Variants in SAMD3 observed in about 807,000 individuals in gnomAD.
SAMD3 encodes the protein sterile alpha motif domain containing 3.
In SAMD3, 63 loss-of-function variants were observed where a neutral mutation model predicts 58.5. That is an observed-to-expected ratio of 1.08 (90% CI 0.88 to 1.33). SAMD3 has a LOEUF of 1.33. Ranked by LOEUF, SAMD3 falls within the 40% of genes most tolerant of loss-of-function variation. The pLI is 0.00. For synonymous variants in SAMD3, 220 were observed against 210.3 expected (o/e 1.05, Z -0.40); for missense variants, 604 against 608.4 (o/e 0.99, Z 0.08).
intron 2 of SAMD3, among the ~76,000 whole-genome samples, chr6:130,277,569 C>A (rs1277652716): frequency 6.6e-6 from 1 of 152,034 alleles, no homozygotes; most frequent in African/African-American, 2.4e-5. Context: ...TCTATTTTTT[C>A]TCCTGCTTGT....
chr6:130,183,123 A>G, intron 7 of SAMD3: 1 of 315,244 alleles, frequency 3.2e-6, no homozygotes, highest in South Asian at 2.7e-5. Context: ...CTTTGTGTTG[A>G]AACGTCAGCG....
chr6:130,189,103 C>CAAAAAAAAAAAAAAAACAA (rs71028200), intron 5 of SAMD3, among the ~76,000 whole-genome samples: 1 of 138,502 alleles, frequency 7.2e-6, no homozygotes, highest in African/African-American at 2.6e-5. Flanking sequence ...TTAAAAAAAC[C>CAAAAAAAAAAAAAAAACAA]AAAAAAAAAA....
At chr6:130,208,232 C>T (rs1795244034) in intron 5 of SAMD3, among the ~76,000 whole-genome samples, 1 of 152,204 alleles carries the variant, frequency 6.6e-6, no homozygotes, top group Admixed American at 6.5e-5. Flanking sequence ...TCTTTGTGTG[C>T]AAGGTGACAG....
intron 7 of SAMD3, among the ~76,000 whole-genome samples, chr6:130,182,485 C>T (rs1792452450): frequency 6.6e-6 from 1 of 150,732 alleles, no homozygotes. Context: ...GTGATTCTCT[C>T]CATATATAAT....
intron 5 of SAMD3, among the ~76,000 whole-genome samples, chr6:130,187,460 A>G (rs1013665936): frequency 2.0e-5 from 3 of 152,142 alleles, no homozygotes; most frequent in Admixed American, 6.5e-5. Context: ...AGAAGCATCA[A>G]ATTTTCATTT....
chr6:130,255,789 T>A (rs1246538071), intron 2 of SAMD3, among the ~76,000 whole-genome samples: 1 of 151,774 alleles, frequency 6.6e-6, no homozygotes, highest in African/African-American at 2.4e-5. Flanking sequence ...CCACCACACC[T>A]GACCCCAGTC....
chr6:130,348,968 C>G (rs1387536449), intron 1 of SAMD3, among the ~76,000 whole-genome samples: 1 of 152,060 alleles, frequency 6.6e-6, no homozygotes, highest in Non-Finnish European at 1.5e-5. Flanking sequence ...CAACCTGCTC[C>G]TGAATGACTA....
intron 1 of SAMD3, among the ~76,000 whole-genome samples, chr6:130,329,135 C>T (rs773389699): frequency 1.1e-4 from 17 of 151,810 alleles, no homozygotes; most frequent in East Asian, 1.9e-4. Context: ...ATTGTTAATC[C>T]GCTTCTACTT....
intron 2 of SAMD3, among the ~76,000 whole-genome samples, chr6:130,272,059 T>G (rs1774584063): frequency 6.6e-6 from 1 of 152,196 alleles, no homozygotes; most frequent in Non-Finnish European, 1.5e-5. Context: ...TTTTATTGAG[T>G]TTTATGTTTG....
chr6:130,360,135 A>G (rs1777941656), intron 1 of SAMD3, among the ~76,000 whole-genome samples: 1 of 152,234 alleles, frequency 6.6e-6, no homozygotes. Context: ...TTATATAAAC[A>G]GGTGTTTCTA....
chr6:130,162,293 A>G (rs1291291463), intron 8 of SAMD3: 1 of 701,676 alleles, frequency 1.4e-6, no homozygotes, highest in Non-Finnish European at 2.6e-6. Context: ...AGAAATAAGG[A>G]GGAGAATATT....
intron 1 of SAMD3, among the ~76,000 whole-genome samples, chr6:130,345,020 C>G (rs1777401980): frequency 6.6e-6 from 1 of 151,882 alleles, no homozygotes; most frequent in Non-Finnish European, 1.5e-5. Flanking sequence ...CTTTATGAAC[C>G]AAAACTAGGC....
At chr6:130,150,683 T>G (rs180977523) in intron 9 of SAMD3, among the ~76,000 whole-genome samples, 7 of 151,988 alleles carry the variant, frequency 4.6e-5, no homozygotes, top group Non-Finnish European at 5.9e-5. Flanking sequence ...TGAGGTGTTC[T>G]GCAGGGTCTC....
At chr6:130,237,684 G>C (rs1044019514) in intron 2 of SAMD3, among the ~76,000 whole-genome samples, 1 of 152,118 alleles carries the variant, frequency 6.6e-6, no homozygotes, top group Non-Finnish European at 1.5e-5. Context: ...CACAAGGAGA[G>C]TGAGGCTCAG....
chr6:130,184,331 A>G, intron 6 of SAMD3, 107 bp downstream of exon 6: 1 of 1,213,614 alleles, frequency 8.2e-7, no homozygotes, highest in Non-Finnish European at 1.2e-6. Flanking sequence ...GGGACCTATT[A>G]CCAATATATC....
At chr6:130,179,220 C>T (rs1792030952) in intron 7 of SAMD3, among the ~76,000 whole-genome samples, 1 of 152,218 alleles carries the variant, frequency 6.6e-6, no homozygotes. Context: ...CAATCTTCCA[C>T]ATGAGTATTC....
intron 1 of SAMD3, among the ~76,000 whole-genome samples, chr6:130,326,907 A>G (rs1776778715): frequency 6.6e-6 from 1 of 152,256 alleles, no homozygotes; most frequent in Non-Finnish European, 1.5e-5. Context: ...AGTGAATACC[A>G]TTTTTAACTG....
chr6:130,350,612 A>T (rs1777622167), intron 1 of SAMD3, among the ~76,000 whole-genome samples: 1 of 152,242 alleles, frequency 6.6e-6, no homozygotes, highest in Non-Finnish European at 1.5e-5. Context: ...GCTCATGGGT[A>T]GGAAGAATCA....
chr6:130,274,920 G>A (rs1358249632), intron 2 of SAMD3, among the ~76,000 whole-genome samples: 1 of 151,840 alleles, frequency 6.6e-6, no homozygotes, highest in Non-Finnish European at 1.5e-5. Context: ...TCATACTATG[G>A]ACTTTTGGGA....
Sources: gnomAD v4.1 joint callset for allele counts (sites outside exome capture counted in the v4.1 genomes callset) on GRCh38, gnomAD v4.1.1 for gene constraint, MANE v1.5 for transcripts, NCBI Gene and HGNC (gene_info 2026-07-23, HGNC 2026-07-21) for gene names.